KDM5A: variants seen among roughly 807,000 people sequenced by gnomAD.
KDM5A encodes lysine demethylase 5A.
In KDM5A, 42 loss-of-function variants were observed where a neutral mutation model predicts 193.5. The observed-to-expected ratio is 0.22, with a 90% CI of 0.17 to 0.28. The LOEUF (loss-of-function observed/expected upper bound fraction) is 0.28, where lower values mean the gene tolerates loss of function less well. Ranked by LOEUF, KDM5A falls within the 10% of genes least tolerant of loss-of-function variation. The probability of loss-of-function intolerance (pLI) is 1.00; values close to 1 mark genes in which losing one functional copy is unlikely to be tolerated. For synonymous variants in KDM5A, 796 were observed against 718.1 expected, an observed-to-expected ratio of 1.11 and a Z score of -1.73; for missense variants, 1,692 against 2,055.1, an observed-to-expected ratio of 0.82 and a Z score of 3.42.
chr12:369,910 C>G (rs1369773359), intron 3 of KDM5A, among the ~76,000 whole-genome samples: 1 of 152,150 alleles, frequency 6.6e-6, no homozygotes, highest in Non-Finnish European at 1.5e-5. Flanking sequence ...GATGTCCCAC[C>G]CAGTTCTGGT....
intron 24 of KDM5A, among the ~76,000 whole-genome samples, chr12:300,594 G>A (rs1264819466): frequency 1.1e-4 from 16 of 152,048 alleles, no homozygotes; most frequent in Admixed American, 1.0e-3. Context: ...ATCTAAAATC[G>A]ACATCCTAAC....
intron 22 of KDM5A, 84 bp downstream of exon 22, chr12:309,716 TAAA>T: frequency 8.5e-6 from 12 of 1,414,752 alleles, no homozygotes; most frequent in Non-Finnish European, 1.0e-5. Context: ...AATAAAAAGT[TAAA>T]AACATAAAAA....
chr12:334,003 G>T (rs1943894860), intron 11 of KDM5A, among the ~76,000 whole-genome samples: 1 of 152,174 alleles, frequency 6.6e-6, no homozygotes, highest in Admixed American at 6.5e-5. Context: ...AGGTCCATGT[G>T]AATAATGGAC....
At chr12:290,206 T>C (rs1943276118) in intron 27 of KDM5A, among the ~76,000 whole-genome samples, 1 of 152,214 alleles carries the variant, frequency 6.6e-6, no homozygotes. Flanking sequence ...TGAGAAAGTT[T>C]TAACATTCTT....
intron 3 of KDM5A, among the ~76,000 whole-genome samples, chr12:382,092 T>C (rs1944580584): frequency 2.6e-5 from 4 of 152,226 alleles, no homozygotes; most frequent in Admixed American, 6.5e-5. Context: ...ATTATAGGTA[T>C]GAGCCACCAC....
At chr12:306,743 C>CAA (rs371480095) in intron 24 of KDM5A, among the ~76,000 whole-genome samples, 1,244 of 92,968 alleles carry the variant, frequency 0.013, 25 homozygotes, top group African/African-American at 0.046. Context: ...ACTCCATCTC[C>CAA]AAAAAAAAAA....
chr12:355,208 C>T lies in KDM5A; in HGVS notation c.820G>A (p.Ala274Thr), dbSNP rs1225548195. Reference protein sequence around the residue: ...RRRKVTNRSDAFNMQMRQRKG... With the variant: ...RRRKVTNRSDTFNMQMRQRKG... ...CGTTGTCTCATTTGCATGTTAAATG[C>T]GTCTGACCTGTTGGTAACTTTTCGT... The change falls in exon 7 of 28, where the codon GCA becomes ACA. Residue 274 changes from alanine to threonine, a missense_variant. Ala to Thr is a moderately conservative substitution (Grantham distance 58). Around this residue, in one of 11 missense-constraint regions of KDM5A, gnomAD observed 134 missense variants for 124.2 expected, o/e 1.08. Transcript: ENST00000399788. The T allele has an allele frequency of 6.2e-6, 10 of 1,612,804 alleles. No individual in the cohort carries two copies. The highest frequency in any genetic ancestry group is 1.1e-5 in the South Asian group (1 of 91,060).
chr12:355,287 A>G lies in KDM5A; in HGVS notation c.779-38T>C, dbSNP rs201401515. On this transcript the variant is annotated intron_variant, in intron 6 of 27. Coordinates refer to ENST00000399788, the MANE Select transcript of KDM5A (RefSeq NM_001042603.3). ...AGTTACACAATAATAGTAAAAACCA[A>G]TGTTGAGAGCTTACTATGGACCAGA... 6 of 1,122,148 alleles carry G rather than the reference A, an allele frequency of 5.3e-6. No homozygotes were observed. In the African/African-American group the frequency reaches 9.2e-5, roughly 17 times the overall value. 69.5% of individuals were successfully genotyped at this position (1,122,148 alleles called of 1,614,324 possible). A position where few individuals can be genotyped will look rare whatever the true frequency, so the allele number is the denominator to read the frequency against.
At chr12:372,548 T>C (rs1012568281) in intron 3 of KDM5A, among the ~76,000 whole-genome samples, 8 of 152,348 alleles carry the variant, frequency 5.3e-5, no homozygotes, top group African/African-American at 1.9e-4. Flanking sequence ...CAGGGACAAC[T>C]TGACTTCCTC....
At chr12:354,722 G>A (rs762253883) in intron 7 of KDM5A, among the ~76,000 whole-genome samples, 35 of 151,638 alleles carry the variant, frequency 2.3e-4, no homozygotes, top group Non-Finnish European at 3.5e-4. Context: ...AGCCGAGATC[G>A]CACCACTGCA....
intron 14 of KDM5A, among the ~76,000 whole-genome samples, chr12:326,887 A>G (rs899829838): frequency 3.4e-4 from 48 of 141,790 alleles, no homozygotes; most frequent in East Asian, 6.1e-4. Flanking sequence ...AAAAAAAAAA[A>G]AAAAGAAAAG....
chr12:376,450 G>C (rs1944505428), intron 3 of KDM5A, among the ~76,000 whole-genome samples: 1 of 152,248 alleles, frequency 6.6e-6, no homozygotes, highest in South Asian at 2.1e-4. Flanking sequence ...TACGGTGGGA[G>C]TGACCCAATT....
At chr12:313,933 G>A (rs1943619288) in intron 19 of KDM5A, among the ~76,000 whole-genome samples, 1 of 152,162 alleles carries the variant, frequency 6.6e-6, no homozygotes, top group Admixed American at 6.5e-5. Context: ...AGAAACACTT[G>A]AAAAGCATTC....
At chr12:315,799 G>A (rs1037173972) in intron 19 of KDM5A, among the ~76,000 whole-genome samples, 23 of 152,306 alleles carry the variant, frequency 1.5e-4, no homozygotes, top group African/African-American at 5.1e-4. Flanking sequence ...AAACAAAGGA[G>A]GAGGCTATGA....
intron 10 of KDM5A, among the ~76,000 whole-genome samples, chr12:341,434 AT>A (rs1412463356): frequency 6.6e-6 from 1 of 152,148 alleles, no homozygotes; most frequent in African/African-American, 2.4e-5. Flanking sequence ...AATCAATATT[AT>A]CCTAACTTTG....
At chr12:372,303 G>C (rs943524101) in intron 3 of KDM5A, among the ~76,000 whole-genome samples, 1 of 152,274 alleles carries the variant, frequency 6.6e-6, no homozygotes, top group Middle Eastern at 3.4e-3. Context: ...TCTCCTTGAA[G>C]AGGTCCTTCA....
chr12:332,837 G>A (rs984474957), intron 12 of KDM5A, among the ~76,000 whole-genome samples: 11 of 152,054 alleles, frequency 7.2e-5, no homozygotes, highest in African/African-American at 2.7e-4. Context: ...TTAGTGATTA[G>A]AGCCACCACT....
At position 281,341 on chromosome 12, in the gene KDM5A, A is replaced by C. The variant is rs542682726; in HGVS notation, c.*4115T>G. The C allele has an allele frequency of 4.3e-6, 1 of 233,166 alleles. No individual in the cohort carries two copies. The highest frequency in any genetic ancestry group is 1.8e-4 in the South Asian group (1 of 5,530). The allele number at this position is 233,166 out of a possible 1,614,324, so 14.4% of individuals were successfully genotyped here. On this transcript the variant is annotated 3_prime_UTR_variant, in exon 28 of 28. Transcript: ENST00000399788. ...CACTTGGAGTACTGCAAAAGAAAAA[A>C]CAAACAAGATACAGCTTTCATAACC...
rs775383405 is a variant in KDM5A at position 307,594 on chromosome 12, G to C, written c.3790C>G (p.Leu1264Val). 2.8e-5 allele frequency: 45 copies of C among 1,613,964 alleles called. No homozygotes were observed. The highest frequency in any genetic ancestry group is 3.6e-5 in the Non-Finnish European group (43 of 1,180,012). Reference sequence around the variant, plus strand: ...GCAGAGGATAGTTCATCTGTGGCTAGAGCCTGCCGCGCTCTATCTTGCCAA... The same window carrying C: ...GCAGAGGATAGTTCATCTGTGGCTACAGCCTGCCGCGCTCTATCTTGCCAA... ...MSWQDRARQALATDELSSALA... is the reference protein window; with the variant it reads ...MSWQDRARQAVATDELSSALA... The change falls in exon 23 of 28, where the codon CTA becomes GTA. Residue 1264 changes from leucine to valine, a missense_variant. Leu to Val is a conservative substitution (Grantham distance 32). Transcript: ENST00000399788. The surrounding 1 kb of genome is among the most constrained non-coding windows in gnomAD (Gnocchi z 4.3).
Sources: gnomAD v4.1 joint callset for allele counts (sites outside exome capture counted in the v4.1 genomes callset) on GRCh38, gnomAD v4.1.1 for gene constraint, gnomAD v4.1.1 regional missense constraint, Gnocchi (gnomAD v3.1) non-coding constraint, MANE v1.5 for transcripts, NCBI Gene and HGNC (gene_info 2026-07-23, HGNC 2026-07-21) for gene names.